Variants in NUBPL observed in about 807,000 individuals in gnomAD.
The protein encoded by NUBPL is NUBP iron-sulfur cluster assembly factor, mitochondrial.
In NUBPL, 31 loss-of-function variants were observed where a neutral mutation model predicts 45.7. That is an observed-to-expected ratio of 0.68 (90% CI 0.51 to 0.92). The LOEUF is 0.92. Ranked by LOEUF, NUBPL falls within the 40% of genes least tolerant of loss-of-function variation. The pLI is 0.00. For synonymous variants in NUBPL, 144 were observed against 140.9 expected, an observed-to-expected ratio of 1.02 and a Z score of -0.15; for missense variants, 401 against 398.7, an observed-to-expected ratio of 1.01 and a Z score of -0.05.
chr14:31,639,045 C>G (rs887844732), intron 4 of NUBPL, among the ~76,000 whole-genome samples: 1 of 152,152 alleles, frequency 6.6e-6, no homozygotes, highest in Non-Finnish European at 1.5e-5. Flanking sequence ...CCTCCCATAG[C>G]TCGGAGTAGT....
chr14:31,599,458 A>T (rs1566438228), intron 4 of NUBPL, 79 bp downstream of exon 4: 3 of 956,594 alleles, frequency 3.1e-6, no homozygotes, highest in Non-Finnish European at 5.0e-6. Flanking sequence ...ATTATGCTAG[A>T]TGCAATGTAT....
intron 7 of NUBPL, among the ~76,000 whole-genome samples, chr14:31,788,532 A>G (rs2039325100): frequency 6.6e-6 from 1 of 152,170 alleles, no homozygotes; most frequent in Non-Finnish European, 1.5e-5. Flanking sequence ...AAGTCTACTT[A>G]ATGGCATTGT....
intron 6 of NUBPL, among the ~76,000 whole-genome samples, chr14:31,739,588 A>G (rs180913696): frequency 8.6e-4 from 131 of 152,210 alleles, no homozygotes; most frequent in African/African-American, 3.1e-3. Context: ...CAACACATGC[A>G]TAGCCTTTCC....
chr14:31,860,719 T>A lies in NUBPL; in HGVS notation c.*1539T>A, dbSNP rs2040700026. The stretch of plus-strand genomic sequence containing the variant: ...TTGATGTTTATTGCAATTTTATGTG[T>A]AATAACCAAAAACAACCCAGATTTT... On this transcript the variant is annotated 3_prime_UTR_variant, in exon 11 of 11. Transcript: ENST00000281081. 6.6e-6 allele frequency: 1 copy of A among 152,184 alleles called. No individual in the cohort carries two copies. The highest frequency in any genetic ancestry group is 2.1e-4 in the South Asian group (1 of 4,834). The allele number at this position is 152,184 out of a possible 1,614,324, so 9.4% of individuals were successfully genotyped here.
At chr14:31,593,375 G>A (rs2034194825) in intron 3 of NUBPL, among the ~76,000 whole-genome samples, 2 of 151,762 alleles carry the variant, frequency 1.3e-5, no homozygotes, top group South Asian at 2.1e-4. Context: ...TTAGCCGGGT[G>A]TGCTGGGGGG....
chr14:31,826,709 G>T lies in NUBPL; in HGVS notation c.688G>T (p.Val230Leu), dbSNP rs1479309023. 1 of 1,613,786 alleles carries T rather than the reference G, an allele frequency of 6.2e-7. No individual in the cohort carries two copies. The highest frequency in any genetic ancestry group is 1.7e-5 in the Admixed American group (1 of 60,010). The change falls in exon 8 of 11, where the codon GTG becomes TTG. Residue 230 changes from valine (V) to leucine (L), a missense_variant. By Grantham distance (32) the Val-to-Leu change is conservative. Transcript: ENST00000281081. Reference sequence around the variant, plus strand: ...TGCTGAGATGTTTCGCAGAGTCCACGTGCCCGTAAGCGTTTACAGCTTCAC... The same window carrying T: ...TGCTGAGATGTTTCGCAGAGTCCACTTGCCCGTAAGCGTTTACAGCTTCAC... ...KGAEMFRRVHVPVLGLVQNMS... is the reference protein window; with the variant it reads ...KGAEMFRRVHLPVLGLVQNMS...
intron 6 of NUBPL, among the ~76,000 whole-genome samples, chr14:31,733,567 A>G (rs988323629): frequency 1.1e-4 from 16 of 152,178 alleles, no homozygotes; most frequent in African/African-American, 3.4e-4. Flanking sequence ...TTTTATTTCT[A>G]TTTTTTAATT....
Position 31,800,156 on chromosome 14 carries a change from A to C in NUBPL, c.607+12283A>C, listed in dbSNP as rs181828476. Among the ~76,000 whole-genome samples, 6 of 152,264 alleles carry C rather than the reference A, an allele frequency of 3.9e-5. No individual in the cohort carries two copies. The East Asian group carries it at 1.2e-3, about 29-fold the overall frequency. ...AATCACATCTTCAGATCCCACTTCT[A>C]ATTCTAATAATTCTCTTGCTGTTTC... On this transcript the variant is annotated intron_variant, in intron 7 of 10. Coordinates refer to ENST00000281081, the MANE Select transcript of NUBPL (RefSeq NM_025152.3).
intron 4 of NUBPL, among the ~76,000 whole-genome samples, chr14:31,652,711 C>T (rs1545276): frequency 0.29 from 44,409 of 151,962 alleles, 7,437 homozygotes; most frequent in South Asian, 0.41. Flanking sequence ...TTGTGAGTTG[C>T]GTTTTTAAAT....
intron 8 of NUBPL, among the ~76,000 whole-genome samples, chr14:31,842,594 C>T (rs1452077749): frequency 2.6e-5 from 4 of 152,154 alleles, no homozygotes; most frequent in Non-Finnish European, 5.9e-5. Context: ...TCTCCCACTT[C>T]AGCTTCCTGA....
At chr14:31,687,673 T>C (rs1240115861) in intron 6 of NUBPL, among the ~76,000 whole-genome samples, 1 of 152,260 alleles carries the variant, frequency 6.6e-6, no homozygotes, top group African/African-American at 2.4e-5. Context: ...AATCAATTAT[T>C]ACAGTAAAAA....
At chr14:31,662,832 G>A (rs146762206) in intron 4 of NUBPL, among the ~76,000 whole-genome samples, 394 of 152,178 alleles carry the variant, frequency 2.6e-3, no homozygotes, top group Non-Finnish European at 4.4e-3. Context: ...CCCAGTAATG[G>A]GATTGCTGGA....
At chr14:31,773,471 C>T (rs894710302) in intron 6 of NUBPL, among the ~76,000 whole-genome samples, 5 of 152,028 alleles carry the variant, frequency 3.3e-5, no homozygotes, top group African/African-American at 4.8e-5. Flanking sequence ...GTTTAGGGAG[C>T]ATAAACTGAA....
At chr14:31,645,902 G>T (rs2120139) in intron 4 of NUBPL, among the ~76,000 whole-genome samples, 23,829 of 150,682 alleles carry the variant, frequency 0.16, 5,305 homozygotes, top group African/African-American at 0.5. Context: ...CTAAAGTTAT[G>T]AGTGGACTAC....
rs147837698 is a variant in NUBPL, at chr14:31,743,430, A to C, written c.514-44350A>C. On this transcript the variant is annotated intron_variant, in intron 6 of 10. Coordinates refer to ENST00000281081, the MANE Select transcript of NUBPL (RefSeq NM_025152.3). Reference sequence around the variant, plus strand: ...AGTCTTGCTCTGTCGCCCATGCTGGAGTGCAGTGGCGCAATCTCGGCTCAC... The same window carrying C: ...AGTCTTGCTCTGTCGCCCATGCTGGCGTGCAGTGGCGCAATCTCGGCTCAC... 2.1e-3 allele frequency among the ~76,000 whole-genome samples: 318 copies of C among 152,182 alleles called. 1 individual carries two copies. Among genetic ancestry groups the C allele is most frequent in the African/African-American group, 7.3e-3 (304 of 41,500 alleles).
chr14:31,846,628 C>T, intron 9 of NUBPL, 37 bp downstream of exon 9: 2 of 1,610,116 alleles, frequency 1.2e-6, no homozygotes, highest in Non-Finnish European at 1.7e-6. Context: ...GAAGAAGTGG[C>T]AGAAGAGAAA....
At chr14:31,751,949 C>G (rs1409802558) in intron 6 of NUBPL, among the ~76,000 whole-genome samples, 2 of 152,232 alleles carry the variant, frequency 1.3e-5, no homozygotes, top group Non-Finnish European at 2.9e-5. Flanking sequence ...GGCTTGCATT[C>G]TCTGAAGTAA....
chr14:31,563,275 T>C (rs1391896046), intron 2 of NUBPL, among the ~76,000 whole-genome samples: 1 of 152,220 alleles, frequency 6.6e-6, no homozygotes, highest in African/African-American at 2.4e-5. Flanking sequence ...GTTTTCATGA[T>C]TGTAGCCATA....
At chr14:31,724,334 A>G (rs919790593) in intron 6 of NUBPL, among the ~76,000 whole-genome samples, 8 of 152,190 alleles carry the variant, frequency 5.3e-5, no homozygotes, top group African/African-American at 1.4e-4. Context: ...ATCTAATAAA[A>G]TCACTTTAAA....
Sources: gnomAD v4.1 joint callset for allele counts (sites outside exome capture counted in the v4.1 genomes callset) on GRCh38, gnomAD v4.1.1 for gene constraint, MANE v1.5 for transcripts, NCBI Gene and HGNC (gene_info 2026-07-23, HGNC 2026-07-21) for gene names.